The following DUSP16 variants were observed in gnomAD, a reference collection of about 807,000 sequenced individuals.
DUSP16 encodes the protein dual specificity phosphatase 16.
In DUSP16, 21 loss-of-function variants were observed where a neutral mutation model predicts 58.3. The ratio of observed to expected loss-of-function variants is 0.36; its 90% CI spans 0.26 to 0.52. The LOEUF is 0.52. DUSP16 is among the 20% of genes least tolerant of loss of function. DUSP16 has a pLI of 0.94. For missense variants in DUSP16, 726 were observed against 819.0 expected (o/e 0.89, Z 1.39); for synonymous variants, 320 against 323.8 (o/e 0.99, Z 0.12).
At chr12:12,490,336 T>C (rs1943744628) in intron 4 of DUSP16, among the ~76,000 whole-genome samples, 1 of 152,146 alleles carries the variant, frequency 6.6e-6, no homozygotes, top group South Asian at 2.1e-4. Flanking sequence ...AGATGCTACC[T>C]GAAAATTTTT....
chr12:12,548,524 C>T (rs566284881), intron 1 of DUSP16, among the ~76,000 whole-genome samples: 11 of 149,674 alleles, frequency 7.3e-5, no homozygotes, highest in Admixed American at 4.0e-4. Flanking sequence ...CCCAGCTACT[C>T]GGGAAGCTGA....
chr12:12,538,821 A>G (rs141594462), intron 1 of DUSP16, among the ~76,000 whole-genome samples: 1 of 152,350 alleles, frequency 6.6e-6, no homozygotes, highest in African/African-American at 2.4e-5. Context: ...AAATACAGTA[A>G]GACAGTTAAA....
chr12:12,505,880 A>G (rs1943988293), intron 3 of DUSP16, among the ~76,000 whole-genome samples: 2 of 152,246 alleles, frequency 1.3e-5, no homozygotes, highest in Admixed American at 1.3e-4. Context: ...AACAAACTCA[A>G]ACAAATATTT....
At chr12:12,487,309 G>T in intron 4 of DUSP16, 122 bp from the exon 5 acceptor site, 1 of 1,120,060 alleles carries the variant, frequency 8.9e-7, no homozygotes, top group South Asian at 1.8e-5. Flanking sequence ...AATTCATTCA[G>T]ATCAGTGAAG....
intron 1 of DUSP16, among the ~76,000 whole-genome samples, chr12:12,544,175 T>C (rs577738073): frequency 2.0e-5 from 3 of 152,266 alleles, no homozygotes; most frequent in East Asian, 3.9e-4. Flanking sequence ...TCCCCAAAGG[T>C]AACCACGAAC....
intron 1 of DUSP16, among the ~76,000 whole-genome samples, chr12:12,551,462 A>T (rs900481169): frequency 1.1e-4 from 11 of 101,890 alleles, no homozygotes; most frequent in African/African-American, 5.8e-4. Context: ...GACTGTATTA[A>T]AAAAAAAAAA....
At chr12:12,537,295 T>C (rs1485013443) in intron 1 of DUSP16, among the ~76,000 whole-genome samples, 1 of 152,208 alleles carries the variant, frequency 6.6e-6, no homozygotes, top group African/African-American at 2.4e-5. Context: ...CATCCAACAG[T>C]GACTATAGTG....
At chr12:12,545,753 C>G (rs1944633000) in intron 1 of DUSP16, among the ~76,000 whole-genome samples, 1 of 152,116 alleles carries the variant, frequency 6.6e-6, no homozygotes, top group Non-Finnish European at 1.5e-5. Context: ...AAATCCTGGT[C>G]AAATCTTAAG....
chr12:12,553,707 C>T (rs932895968), intron 1 of DUSP16, among the ~76,000 whole-genome samples: 5 of 151,990 alleles, frequency 3.3e-5, no homozygotes, highest in African/African-American at 1.2e-4. Flanking sequence ...CACACCCAGC[C>T]AATTTTTTGT....
At chr12:12,527,441 C>T (rs1407940100) in intron 1 of DUSP16, among the ~76,000 whole-genome samples, 1 of 151,958 alleles carries the variant, frequency 6.6e-6, no homozygotes, top group African/African-American at 2.4e-5. Context: ...TGGTATTTGG[C>T]AAATATATTC....
intron 3 of DUSP16, among the ~76,000 whole-genome samples, chr12:12,509,212 A>C (rs1944040686): frequency 6.6e-6 from 1 of 152,228 alleles, no homozygotes; most frequent in African/African-American, 2.4e-5. Context: ...GGAGAGCCAG[A>C]GTCACAGAGT....
chr12:12,547,136 A>G (rs1228081567), intron 1 of DUSP16, among the ~76,000 whole-genome samples: 1 of 152,204 alleles, frequency 6.6e-6, no homozygotes, highest in Non-Finnish European at 1.5e-5. Flanking sequence ...CTATGTATTT[A>G]AAACAATAAC....
intron 1 of DUSP16, among the ~76,000 whole-genome samples, chr12:12,549,476 A>T (rs752176282): frequency 7.9e-5 from 12 of 152,166 alleles, no homozygotes; most frequent in Non-Finnish European, 1.6e-4. Flanking sequence ...CTCTGTCCAC[A>T]GCCTCATTTT....
chr12:12,495,167 A>T (rs1361371668), intron 4 of DUSP16, among the ~76,000 whole-genome samples: 2 of 134,548 alleles, frequency 1.5e-5, no homozygotes, highest in African/African-American at 5.7e-5. Context: ...TAGTTCTCTT[A>T]TTTTATCTTG....
At chr12:12,524,474 G>T (rs1944275393) in intron 1 of DUSP16, among the ~76,000 whole-genome samples, 1 of 152,204 alleles carries the variant, frequency 6.6e-6, no homozygotes, top group Non-Finnish European at 1.5e-5. Context: ...TTCATTTACA[G>T]TTAGAGAATT....
At chr12:12,536,863 C>T (rs1944472650) in intron 1 of DUSP16, among the ~76,000 whole-genome samples, 2 of 151,954 alleles carry the variant, frequency 1.3e-5, no homozygotes, top group Admixed American at 1.3e-4. Context: ...CATGGAGAAA[C>T]CCCCATCTCT....
At chr12:12,520,799 A>G in intron 2 of DUSP16, 72 bp downstream of exon 2, 2 of 1,544,198 alleles carry the variant, frequency 1.3e-6, no homozygotes, top group Non-Finnish European at 1.8e-6. Context: ...CTTAAAGAGG[A>G]GGCTTCAATT....
intron 1 of DUSP16, among the ~76,000 whole-genome samples, chr12:12,528,094 C>T (rs1400515350): frequency 6.6e-6 from 1 of 152,160 alleles, no homozygotes; most frequent in Non-Finnish European, 1.5e-5. Flanking sequence ...TTTCTTAGTA[C>T]TGCTTCCTGT....
chr12:12,488,787 G>A (rs999303573), intron 4 of DUSP16, among the ~76,000 whole-genome samples: 2 of 152,126 alleles, frequency 1.3e-5, no homozygotes, highest in African/African-American at 4.8e-5. Context: ...TTACATAAAA[G>A]GTGAACAGCA....
Sources: gnomAD v4.1 joint callset for allele counts (sites outside exome capture counted in the v4.1 genomes callset) on GRCh38, gnomAD v4.1.1 for gene constraint, MANE v1.5 for transcripts, NCBI Gene and HGNC (gene_info 2026-07-23, HGNC 2026-07-21) for gene names.